Variants in UNC13C observed in about 807,000 individuals in gnomAD.
UNC13C encodes the protein unc-13 homolog C, also known as protein unc-13 homolog C.
UNC13C carries 174 observed loss-of-function variants against 245.4 expected under a neutral mutation model. The ratio of observed to expected loss-of-function variants is 0.71; its 90% confidence interval spans 0.63 to 0.80. The LOEUF is 0.80. Ranked by LOEUF, UNC13C falls within the 30% of genes least tolerant of loss-of-function variation. UNC13C has a pLI of 0.00. For missense variants in UNC13C, 2,829 were observed against 2,602.9 expected (o/e 1.09, Z -1.89); for synonymous variants, 992 against 895.1 (o/e 1.11, Z -1.93).
Position 54,627,209 on chromosome 15 carries a change from T to C in UNC13C, c.*96T>C. 1 of 1,268,188 alleles carries C rather than the reference T, an allele frequency of 7.9e-7. No individual in the cohort carries two copies. Among genetic ancestry groups the C allele is most frequent in the Non-Finnish European group, 1.1e-6 (1 of 933,834 alleles). 78.6% of individuals were successfully genotyped at this position (1,268,188 alleles called of 1,614,324 possible). On this transcript the variant is annotated 3_prime_UTR_variant, in exon 33 of 33. Transcript: ENST00000260323. ...ATGTTTAGTTCACTACATTTCAATGTTTGCCAGTACTCATGTACGATGTCT... is the reference window on the plus strand; with the variant it reads ...ATGTTTAGTTCACTACATTTCAATGCTTGCCAGTACTCATGTACGATGTCT...
intron 30 of UNC13C, among the ~76,000 whole-genome samples, chr15:54,582,722 T>A (rs543721918): frequency 6.6e-6 from 1 of 152,266 alleles, no homozygotes; most frequent in African/African-American, 2.4e-5. Context: ...GCCTATGAAC[T>A]GGGCCAACTA....
chr15:54,389,184 T>C (rs899063046), intron 17 of UNC13C, among the ~76,000 whole-genome samples: 5 of 152,218 alleles, frequency 3.3e-5, no homozygotes, highest in African/African-American at 1.2e-4. Context: ...GTGAAAAGTC[T>C]GGCACGATGA....
chr15:54,286,567 C>G (rs1357197127), intron 10 of UNC13C, among the ~76,000 whole-genome samples: 1 of 152,148 alleles, frequency 6.6e-6, no homozygotes, highest in African/African-American at 2.4e-5. Flanking sequence ...TAGAGCGATC[C>G]ATCTCATGAT....
At chr15:53,872,070 C>A in the UNC13C span, among the ~76,000 whole-genome samples, 10 of 152,284 alleles carry the variant, frequency 6.6e-5, no homozygotes, top group Admixed American at 2.6e-4. Flanking sequence ...ATCTAAGATT[C>A]AGGAAATCTG....
intron 2 of UNC13C, among the ~76,000 whole-genome samples, chr15:54,059,077 C>G (rs1394213030): frequency 6.6e-6 from 1 of 152,088 alleles, no homozygotes; most frequent in Admixed American, 6.6e-5. Flanking sequence ...TCTCTTTACC[C>G]CTCCTATTCA....
intron 19 of UNC13C, among the ~76,000 whole-genome samples, chr15:54,436,112 A>G (rs537532918): frequency 6.6e-6 from 1 of 152,174 alleles, no homozygotes; most frequent in East Asian, 1.9e-4. Flanking sequence ...GTGGAGAAAT[A>G]GGAATGTTTT....
At chr15:53,980,464 G>C (rs1893882756) in intron 1 of UNC13C, among the ~76,000 whole-genome samples, 1 of 152,126 alleles carries the variant, frequency 6.6e-6, no homozygotes, top group African/African-American at 2.4e-5. Context: ...CACTATAGCA[G>C]TAATTTTACT....
chr15:53,912,356 G>C, the UNC13C span: 3 of 152,346 alleles, frequency 2.0e-5, no homozygotes, highest in Non-Finnish European at 4.4e-5. Flanking sequence ...GACAACTGGA[G>C]GCTATATGAG....
At chr15:54,356,968 A>G (rs1366003497) in intron 17 of UNC13C, among the ~76,000 whole-genome samples, 1 of 152,062 alleles carries the variant, frequency 6.6e-6, no homozygotes, top group African/African-American at 2.4e-5. Flanking sequence ...ACCTTGTTCT[A>G]TTTTAAGGAA....
the UNC13C span, among the ~76,000 whole-genome samples, chr15:53,880,885 T>G: frequency 6.6e-6 from 1 of 152,164 alleles, no homozygotes; most frequent in African/African-American, 2.4e-5. Context: ...ATTTTTAATG[T>G]TCATGAATAA....
At chr15:54,060,655 A>G (rs960257646) in intron 2 of UNC13C, among the ~76,000 whole-genome samples, 4 of 151,926 alleles carry the variant, frequency 2.6e-5, no homozygotes, top group African/African-American at 9.7e-5. Flanking sequence ...GCTGCTATAA[A>G]GACACATGCA....
chr15:54,114,697 G>A (rs923478978), intron 2 of UNC13C, among the ~76,000 whole-genome samples: 12 of 152,022 alleles, frequency 7.9e-5, no homozygotes, highest in East Asian at 5.8e-4. Context: ...AGTTTATGTC[G>A]TGTACCTAGA....
intron 1 of UNC13C, among the ~76,000 whole-genome samples, chr15:54,008,501 T>C (rs979680391): frequency 7.2e-5 from 11 of 152,214 alleles, no homozygotes; most frequent in African/African-American, 2.7e-4. Flanking sequence ...TCAAAGACTT[T>C]CTTTCCAAAG....
upstream of UNC13C, among the ~76,000 whole-genome samples, chr15:53,978,386 A>AG (rs1402987613): frequency 6.7e-6 from 1 of 148,310 alleles, no homozygotes; most frequent in African/African-American, 2.5e-5. Context: ...CAGGAGAGGG[A>AG]GCCCGGGCGC....
At chr15:53,964,904 A>G in the UNC13C span, among the ~76,000 whole-genome samples, 1 of 152,178 alleles carries the variant, frequency 6.6e-6, no homozygotes, top group Non-Finnish European at 1.5e-5. Context: ...ACAGTCATAC[A>G]TGTACATTAC....
intron 17 of UNC13C, among the ~76,000 whole-genome samples, chr15:54,360,377 T>A (rs1449652669): frequency 6.6e-6 from 1 of 152,090 alleles, no homozygotes; most frequent in Non-Finnish European, 1.5e-5. Flanking sequence ...GCCTGAACAA[T>A]CTGTCCATTG....
chr15:53,887,818 C>T, the UNC13C span, among the ~76,000 whole-genome samples: 2 of 151,940 alleles, frequency 1.3e-5, no homozygotes, highest in Non-Finnish European at 2.9e-5. Context: ...GTTTTCTATT[C>T]TTGTGATAGT....
chr15:54,151,161 A>G (rs2032497356), intron 4 of UNC13C, among the ~76,000 whole-genome samples: 1 of 152,158 alleles, frequency 6.6e-6, no homozygotes, highest in Non-Finnish European at 1.5e-5. Context: ...AGACTCCCCC[A>G]TCTTCGGGTA....
At chr15:54,452,566 C>T (rs1050479919) in intron 19 of UNC13C, among the ~76,000 whole-genome samples, 12 of 152,158 alleles carry the variant, frequency 7.9e-5, no homozygotes, top group African/African-American at 2.9e-4. Context: ...GATTCCTGGA[C>T]AGCATGCTCA....
Sources: allele counts gnomAD v4.1 joint callset (sites outside exome capture counted in the v4.1 genomes callset), GRCh38; gene constraint gnomAD v4.1.1; transcripts MANE v1.5; gene names NCBI Gene and HGNC (gene_info 2026-07-23, HGNC 2026-07-21).